The following ERAP1 variants were observed in gnomAD, a reference collection of about 807,000 sequenced individuals.
The protein encoded by ERAP1 is adipocyte-derived leucine aminopeptidase.
Under a neutral mutation model 103.7 loss-of-function variants are expected in ERAP1, and 86 were observed. The observed-to-expected ratio is 0.83, with a 90% CI of 0.70 to 0.99. The LOEUF is 0.99. ERAP1 is among the 50% of genes least tolerant of loss of function. The pLI is 0.00. For synonymous variants in ERAP1, 398 were observed against 402.4 expected, an observed-to-expected ratio of 0.99 and a Z score of 0.13; for missense variants, 1,009 against 1,128.4, an observed-to-expected ratio of 0.89 and a Z score of 1.52.
At chr5:96,907,604 G>A in the ERAP1 span, among the ~76,000 whole-genome samples, 12 of 151,006 alleles carry the variant, frequency 7.9e-5, no homozygotes, top group Middle Eastern at 3.4e-3. Context: ...CAGACTAGCC[G>A]GGCCAGGTGG....
At chr5:96,896,434 G>A in the ERAP1 span, 12 of 1,613,000 alleles carry the variant, frequency 7.4e-6, no homozygotes, top group African/African-American at 5.3e-5. Context: ...AATTCATCCC[G>A]CCCTATCTCC....
chr5:96,794,081 G>A (rs1288833595), intron 5 of ERAP1, 124 bp from the exon 6 acceptor site: 3 of 895,448 alleles, frequency 3.4e-6, no homozygotes, highest in Admixed American at 1.9e-5. Flanking sequence ...GCTCTAGACT[G>A]GAAGAACCTT....
chr5:96,843,510 C>T, the ERAP1 span, among the ~76,000 whole-genome samples: 3 of 152,176 alleles, frequency 2.0e-5, no homozygotes, highest in Admixed American at 6.5e-5. Context: ...ATCTGCCATG[C>T]ACAGAAGTGG....
At chr5:96,850,792 G>A in the ERAP1 span, among the ~76,000 whole-genome samples, 1 of 152,018 alleles carries the variant, frequency 6.6e-6, no homozygotes, top group South Asian at 2.1e-4. Flanking sequence ...AAGATTTGCT[G>A]GACAAAGATA....
At chr5:96,911,489 C>CA in the ERAP1 span, among the ~76,000 whole-genome samples, 1 of 152,104 alleles carries the variant, frequency 6.6e-6, no homozygotes, top group Non-Finnish European at 1.5e-5. Context: ...TGCATCTTAA[C>CA]AGTTTTAAAA....
the ERAP1 span, among the ~76,000 whole-genome samples, chr5:96,911,073 G>A: frequency 1.8e-4 from 27 of 152,272 alleles, no homozygotes; most frequent in African/African-American, 6.3e-4. Flanking sequence ...ATATAGTATA[G>A]AGGAAGTAGC....
At chr5:96,934,151 G>T in the ERAP1 span, 1 of 152,196 alleles carries the variant, frequency 6.6e-6, no homozygotes, top group Non-Finnish European at 1.5e-5. Context: ...CCTTAAAAAA[G>T]ATTACGACTC....
At chr5:96,916,092 G>A in the ERAP1 span, among the ~76,000 whole-genome samples, 14 of 151,916 alleles carry the variant, frequency 9.2e-5, no homozygotes, top group Non-Finnish European at 1.9e-4. Flanking sequence ...GTGGTGGCAC[G>A]CACCTGTAGT....
chr5:96,770,646 C>CACAG (rs1283350912), downstream of ERAP1: 1 of 1,261,860 alleles, frequency 7.9e-7, no homozygotes, highest in Admixed American at 1.7e-5. Flanking sequence ...TTAGCAGTTA[C>CACAG]ACAGAGTAGG....
At chr5:96,907,999 C>T in the ERAP1 span, among the ~76,000 whole-genome samples, 1 of 152,112 alleles carries the variant, frequency 6.6e-6, no homozygotes, top group Non-Finnish European at 1.5e-5. Flanking sequence ...TTTAAAGCAG[C>T]AAGTCATCGT....
chr5:96,786,329 ATTC>A (rs1775989256), intron 12 of ERAP1, 138 bp downstream of exon 12: 5 of 670,668 alleles, frequency 7.5e-6, no homozygotes, highest in Non-Finnish European at 1.3e-5. Context: ...GATATTGGCC[ATTC>A]TTCTTTGAAA....
At chr5:96,854,386 AT>A in the ERAP1 span, among the ~76,000 whole-genome samples, 1 of 152,162 alleles carries the variant, frequency 6.6e-6, no homozygotes, top group African/African-American at 2.4e-5. Context: ...GGATGTATAA[AT>A]GAATCACTTT....
chr5:96,883,313 G>A, the ERAP1 span, among the ~76,000 whole-genome samples: 4 of 152,142 alleles, frequency 2.6e-5, no homozygotes, highest in Admixed American at 2.0e-4. Flanking sequence ...CTGGCAGGAT[G>A]TTCTCAATAA....
chr5:96,887,931 G>T, the ERAP1 span, among the ~76,000 whole-genome samples: 2 of 152,174 alleles, frequency 1.3e-5, no homozygotes, highest in African/African-American at 4.8e-5. Flanking sequence ...TTTGAGACCA[G>T]CCTGGCCAAC....
At chr5:96,813,749 CTG>C in the ERAP1 span, among the ~76,000 whole-genome samples, 1 of 143,892 alleles carries the variant, frequency 6.9e-6, no homozygotes, top group African/African-American at 2.6e-5. Context: ...GTTTAACAAA[CTG>C]TAGTTAGCAT....
At chr5:96,903,331 TAA>T in the ERAP1 span, 1 of 1,448,618 alleles carries the variant, frequency 6.9e-7, no homozygotes, top group East Asian at 2.3e-5. Flanking sequence ...ATGTTCTGAA[TAA>T]GTTTGTTGAT....
At chr5:96,924,111 G>T in the ERAP1 span, among the ~76,000 whole-genome samples, 1 of 152,230 alleles carries the variant, frequency 6.6e-6, no homozygotes, top group African/African-American at 2.4e-5. Context: ...ATTTGCCTCA[G>T]GCTGATCCTG....
At chr5:96,927,578 C>T in the ERAP1 span, among the ~76,000 whole-genome samples, 2 of 152,074 alleles carry the variant, frequency 1.3e-5, no homozygotes, top group African/African-American at 2.4e-5. Context: ...GCTCCGCCTC[C>T]CGGGTTCACG....
chr5:96,868,075 CA>C, the ERAP1 span, among the ~76,000 whole-genome samples: 11 of 151,524 alleles, frequency 7.3e-5, no homozygotes, highest in Non-Finnish European at 1.3e-4. Context: ...ACTCCATCTC[CA>C]AAAAAAAGAA....
Sources: allele counts gnomAD v4.1 joint callset (sites outside exome capture counted in the v4.1 genomes callset), GRCh38; gene constraint gnomAD v4.1.1; transcripts MANE v1.5; gene names NCBI Gene and HGNC (gene_info 2026-07-23, HGNC 2026-07-21).